Variants in PKNOX1 observed in about 807,000 individuals in gnomAD.
PKNOX1 encodes the protein PBX/knotted 1 homeobox 1, also known as homeobox protein PKNOX1.
A neutral mutation model predicts 51.9 loss-of-function variants in PKNOX1; 15 were observed. That is an observed-to-expected ratio of 0.29 (90% CI 0.19 to 0.45). PKNOX1 has a LOEUF of 0.45. Ranked by LOEUF, PKNOX1 falls within the 20% of genes least tolerant of loss-of-function variation. PKNOX1 has a pLI of 1.00. For synonymous variants in PKNOX1, 219 were observed against 211.1 expected (o/e 1.04, Z -0.32); for missense variants, 462 against 547.5 (o/e 0.84, Z 1.56).
At chr21:43,026,289 A>G (rs1039221748) in intron 9 of PKNOX1, among the ~76,000 whole-genome samples, 10 of 152,234 alleles carry the variant, frequency 6.6e-5, no homozygotes, top group African/African-American at 2.4e-4. Context: ...ATAACAGTTT[A>G]ATAATATAAC....
At position 42,984,083 on chromosome 21, in the gene PKNOX1, C is replaced by CGT. The variant is rs61381629; in HGVS notation, c.-57+9444_-57+9445dup. 2.9e-3 allele frequency among the ~76,000 whole-genome samples: 429 copies of CGT among 149,818 alleles called. 2 individuals carry two copies. Among genetic ancestry groups the CGT allele is most frequent in the African/African-American group, 7.0e-3 (284 of 40,730 alleles). On this transcript the variant is annotated intron_variant, in intron 1 of 10. Coordinates refer to ENST00000291547, the MANE Select transcript of PKNOX1 (RefSeq NM_004571.5). Reference sequence around the variant, plus strand: ...ATGCATACGTGTGTGCGTGTGTGTGCGTGTGTGTGTGTGTGTGTGTGTGTG... The same window carrying CGT: ...ATGCATACGTGTGTGCGTGTGTGTGCGTGTGTGTGTGTGTGTGTGTGTGTGTG...
chr21:43,000,043 C>T (rs936681124), intron 1 of PKNOX1, among the ~76,000 whole-genome samples: 5 of 152,106 alleles, frequency 3.3e-5, no homozygotes, highest in Admixed American at 2.6e-4. Context: ...AGTTCCCCAC[C>T]TCCGAGACCT....
intron 3 of PKNOX1, among the ~76,000 whole-genome samples, chr21:43,009,651 G>A (rs931018785): frequency 6.2e-5 from 9 of 144,444 alleles, no homozygotes; most frequent in African/African-American, 2.3e-4. Context: ...ACTGATACCC[G>A]TAAAACACTG....
At position 43,032,106 on chromosome 21, in the gene PKNOX1, TGCCTCA is replaced by T; in HGVS notation, c.*2011_*2016del. The T allele has an allele frequency of 2.2e-6, 1 of 451,736 alleles. No individual in the cohort carries two copies. The highest frequency in any genetic ancestry group is 2.4e-5 in the Admixed American group (1 of 41,588). 28.0% of individuals were successfully genotyped at this position (451,736 alleles called of 1,614,324 possible). A position where few individuals can be genotyped will look rare whatever the true frequency, so the allele number is the denominator to read the frequency against. ...AACTCCCGACCTCAGGTGATCTGCC[TGCCTCA>T]GCCTCCCAAAGTGCTGGGATTACAG... On this transcript the variant is annotated 3_prime_UTR_variant, in exon 11 of 11. Coordinates refer to ENST00000291547, the MANE Select transcript of PKNOX1 (RefSeq NM_004571.5).
chr21:43,029,006 T>C (rs1980109218), intron 10 of PKNOX1, 132 bp downstream of exon 10: 2 of 854,574 alleles, frequency 2.3e-6, no homozygotes, highest in East Asian at 2.6e-5. Flanking sequence ...TCTCTTTCTC[T>C]GCAACTAAAA....
intron 1 of PKNOX1, among the ~76,000 whole-genome samples, chr21:42,997,604 C>T (rs191668341): frequency 6.6e-6 from 1 of 152,302 alleles, no homozygotes; most frequent in Non-Finnish European, 1.5e-5. Flanking sequence ...AAGACGGGCC[C>T]CTGGCCCTTA....
At chr21:42,976,805 T>A (rs1488024569) in intron 1 of PKNOX1, among the ~76,000 whole-genome samples, 2 of 152,254 alleles carry the variant, frequency 1.3e-5, no homozygotes, top group African/African-American at 4.8e-5. Flanking sequence ...TTGACTTCCT[T>A]CCATGAATCA....
At position 42,994,681 on chromosome 21, in the gene PKNOX1, A is replaced by T. The variant is rs370781357; in HGVS notation, c.-56-9645A>T. Among the ~76,000 whole-genome samples the T allele has an allele frequency of 6.6e-5, 10 of 152,164 alleles. No individual in the cohort carries two copies. The East Asian group carries it at 1.9e-3, about 30-fold the overall frequency. ...TGATCCATTTGAAAGTAAGTTTTGGATATCATGGTCATACAACTAAACATT... is the reference window on the plus strand; with the variant it reads ...TGATCCATTTGAAAGTAAGTTTTGGTTATCATGGTCATACAACTAAACATT... On this transcript the variant is annotated intron_variant, in intron 1 of 10. Transcript: ENST00000291547.
chr21:43,013,311 G>C (rs910737864), intron 5 of PKNOX1, 73 bp downstream of exon 5: 6 of 1,127,522 alleles, frequency 5.3e-6, no homozygotes, highest in Non-Finnish European at 7.5e-6. Context: ...GAGACCACCA[G>C]CTCTTTCAGA....
chr21:42,990,697 A>G (rs1019915012), intron 1 of PKNOX1, among the ~76,000 whole-genome samples: 3 of 152,232 alleles, frequency 2.0e-5, no homozygotes, highest in African/African-American at 4.8e-5. Context: ...TAAGTTTTAC[A>G]TGACATGGGA....
chr21:43,028,161 G>C (rs1004610608), intron 9 of PKNOX1, among the ~76,000 whole-genome samples: 4 of 152,208 alleles, frequency 2.6e-5, no homozygotes, highest in Non-Finnish European at 5.9e-5. Flanking sequence ...AAAAGATGCA[G>C]CTCTTGCCTT....
chr21:42,999,474 ATTTTC>A (rs143254083), intron 1 of PKNOX1, among the ~76,000 whole-genome samples: 22,110 of 151,536 alleles, frequency 0.15, 1,895 homozygotes, highest in African/African-American at 0.24. Context: ...AGGAAATGGG[ATTTTC>A]TTTTCTTTTT....
At chr21:42,975,382 C>G (rs960674629) in intron 1 of PKNOX1, among the ~76,000 whole-genome samples, 14 of 152,062 alleles carry the variant, frequency 9.2e-5, no homozygotes, top group African/African-American at 3.4e-4. Flanking sequence ...GTGTTTGGGG[C>G]CGGGTGCTGG....
intron 1 of PKNOX1, among the ~76,000 whole-genome samples, chr21:42,980,453 G>T (rs1396808379): frequency 6.6e-6 from 1 of 152,146 alleles, no homozygotes; most frequent in African/African-American, 2.4e-5. Context: ...TCCTATTTGC[G>T]GCTTACACTT....
intron 1 of PKNOX1, among the ~76,000 whole-genome samples, chr21:42,979,257 A>G (rs1478143849): frequency 6.6e-6 from 1 of 152,234 alleles, no homozygotes; most frequent in Admixed American, 6.5e-5. Flanking sequence ...CCCGTAACAG[A>G]CATAATAATG....
intron 8 of PKNOX1, 55 bp from the exon 9 acceptor site, chr21:43,024,816 C>A: frequency 8.5e-7 from 1 of 1,176,422 alleles, no homozygotes; most frequent in Admixed American, 1.8e-5. Context: ...CCTAAATCGT[C>A]TTGATTTCCT....
chr21:43,017,518 A>G (rs1206578069), intron 6 of PKNOX1: 1 of 152,862 alleles, frequency 6.5e-6, no homozygotes, highest in Non-Finnish European at 1.5e-5. Flanking sequence ...ATTTACACCA[A>G]AGACCTCACA....
At chr21:42,993,833 A>G (rs1173732859) in intron 1 of PKNOX1, among the ~76,000 whole-genome samples, 3 of 150,414 alleles carry the variant, frequency 2.0e-5, no homozygotes, top group African/African-American at 7.3e-5. Context: ...CCCGGGTGCA[A>G]GTGATTCTCC....
At chr21:42,981,743 C>T (rs1006924915) in intron 1 of PKNOX1, among the ~76,000 whole-genome samples, 3 of 152,106 alleles carry the variant, frequency 2.0e-5, no homozygotes, top group African/African-American at 7.2e-5. Flanking sequence ...TGTTTGCCGT[C>T]TGCGATTGAC....
Sources: gnomAD v4.1 joint callset for allele counts (sites outside exome capture counted in the v4.1 genomes callset) on GRCh38, gnomAD v4.1.1 for gene constraint, MANE v1.5 for transcripts, NCBI Gene and HGNC (gene_info 2026-07-23, HGNC 2026-07-21) for gene names.